Variants in PAPLN observed in about 807,000 individuals in gnomAD.
PAPLN encodes the protein papilin.
In PAPLN, 146 loss-of-function variants were observed where a neutral mutation model predicts 159.0. The observed-to-expected ratio is 0.92, with a 90% confidence interval of 0.80 to 1.05. The LOEUF is 1.05. Ranked by LOEUF, PAPLN falls within the 50% of genes least tolerant of loss-of-function variation. The pLI is 0.00. For synonymous variants in PAPLN, 734 were observed against 702.9 expected (o/e 1.04, Z -0.70); for missense variants, 1,720 against 1,743.9 (o/e 0.99, Z 0.24).
chr14:73,239,595 C>G, intron 1 of PAPLN, 178 bp from the exon 2 acceptor site: 1 of 1,270,818 alleles, frequency 7.9e-7, no homozygotes, highest in Non-Finnish European at 1.0e-6. Flanking sequence ...GTTGAGCCGC[C>G]CGGCGGGGCG....
At position 73,274,204 on chromosome 14, in the gene PAPLN, G is replaced by A. The variant is rs1197341779; in HGVS notation, c.*1540G>A. Reference sequence around the variant, plus strand: ...ATGCAGTAACAGGGAAATGGCTTCAGAAATGGTTTGAGTTGGAAGACAACA... The same window carrying A: ...ATGCAGTAACAGGGAAATGGCTTCAAAAATGGTTTGAGTTGGAAGACAACA... On this transcript the variant is annotated 3_prime_UTR_variant, in exon 27 of 27. Coordinates refer to ENST00000644200, the MANE Select transcript of PAPLN (RefSeq NM_001365906.3). 6.6e-6 allele frequency: 1 copy of A among 152,252 alleles called. No homozygotes were observed. The highest frequency in any genetic ancestry group is 1.9e-4 in the East Asian group (1 of 5,208). 9.4% of individuals were successfully genotyped at this position (152,252 alleles called of 1,614,324 possible).
At chr14:73,268,011 A>G (rs1887387839) in intron 25 of PAPLN, among the ~76,000 whole-genome samples, 2 of 151,976 alleles carry the variant, frequency 1.3e-5, no homozygotes, top group African/African-American at 4.8e-5. Flanking sequence ...GTCCTGGCCA[A>G]GGTCACTGCC....
In PAPLN at chr14:73,262,476, C is replaced by A; in HGVS notation, c.2372C>A (p.Ala791Asp). ...TGGTATGGCGGCTGCCATGGCAATG[C>A]CAATAACTTTGCCTCGGAGCAAGAG... ...RFWYGGCHGNANNFASEQECM... is the reference protein window; with the variant it reads ...RFWYGGCHGNDNNFASEQECM... The change falls in exon 19 of 27, where the codon GCC (alanine) becomes GAC (aspartate). Residue 791 changes from alanine to aspartate, a missense_variant. Transcript: ENST00000644200. 6.2e-7 allele frequency: 1 copy of A among 1,607,946 alleles called. No homozygotes were observed. The highest frequency in any genetic ancestry group is 8.5e-7 in the Non-Finnish European group (1 of 1,177,092).
At chr14:73,263,217 C>G (rs1375269997) in intron 19 of PAPLN, 1 of 325,586 alleles carries the variant, frequency 3.1e-6, no homozygotes, top group South Asian at 8.5e-5. Flanking sequence ...GTATACCTCA[C>G]AGGTGTGGGT....
chr14:73,244,059 G>T (rs1883912363), intron 2 of PAPLN: 1 of 154,778 alleles, frequency 6.5e-6, no homozygotes, highest in Admixed American at 6.3e-5. Flanking sequence ...CCCAACACTT[G>T]TATTTACATC....
chr14:73,264,586 A>G lies in PAPLN; in HGVS notation c.2987-2A>G, dbSNP rs369134761. The G allele has an allele frequency of 4.4e-6, 7 of 1,584,910 alleles. No individual in the cohort carries two copies. Among genetic ancestry groups the G allele is most frequent in the African/African-American group, 1.4e-5 (1 of 73,518 alleles). On this transcript the variant is annotated splice_acceptor_variant, in intron 21 of 26. Transcript: ENST00000644200. LOFTEE classifies it high-confidence loss of function. ...ACCTTGTTTCTCCTGGCCTCATGAC[A>G]GGGGGTGACATGGCCGTGCTGTCTG...
In PAPLN at chr14:73,254,910, C is replaced by T; in HGVS notation, c.1519C>T (p.Arg507Ter). ...SKSCSSGTRR[R>*]QVICAIGPPS... ...GAGCTGCAGCTCGGGCACTCGGAGG[C>T]GACAGGTCATCTGTGCCATTGGGCC... Residue 507 changes from arginine to a stop codon, truncating the protein, a stop_gained, in exon 14 of 27, where the codon CGA becomes TGA. Transcript: ENST00000644200. LOFTEE classifies it high-confidence loss of function. 6.2e-6 allele frequency: 10 copies of T among 1,613,010 alleles called. No individual in the cohort carries two copies. Among genetic ancestry groups the T allele is most frequent in the South Asian group, 2.2e-5 (2 of 91,070 alleles).
intron 1 of PAPLN, among the ~76,000 whole-genome samples, chr14:73,239,449 C>T (rs923849124): frequency 1.3e-5 from 2 of 152,204 alleles, no homozygotes; most frequent in Non-Finnish European, 2.9e-5. Flanking sequence ...TCTAATTACT[C>T]GGATTCTGAA....
rs544093359 is a variant in PAPLN at position 73,259,935 on chromosome 14, C to T, written c.1985+390C>T. 2.4e-3 allele frequency among the ~76,000 whole-genome samples: 370 copies of T among 152,282 alleles called. 1 individual carries two copies. Among genetic ancestry groups the T allele is most frequent in the African/African-American group, 8.2e-3 (339 of 41,562 alleles). On this transcript the variant is annotated intron_variant, in intron 16 of 26. Coordinates refer to ENST00000644200, the MANE Select transcript of PAPLN (RefSeq NM_001365906.3). ...TCTTCCTAACAGCCCCGGCCACTCCCGCCTTATGGAATGGGTCCGAGTCAT... is the reference window on the plus strand; with the variant it reads ...TCTTCCTAACAGCCCCGGCCACTCCTGCCTTATGGAATGGGTCCGAGTCAT...
chr14:73,264,690 G>A lies in PAPLN; in HGVS notation c.3089G>A (p.Gly1030Glu), dbSNP rs772175249. The change falls in exon 22 of 27, where the codon GGG (glycine) becomes GAG (glutamate). Residue 1030 changes from glycine to glutamate, a missense_variant. Physicochemically the swap from Gly to Glu is moderately conservative, Grantham distance 98. Coordinates refer to ENST00000644200, the MANE Select transcript of PAPLN (RefSeq NM_001365906.3). ...CAAGCGGGGGCTGCTGGGCCCCTGG[G>A]GGCCATCCCCTCTTCACACCCACAG... ...FGQAGAAGPL[G>E]AIPSSHPQPA... 4 of 1,612,398 alleles carry A rather than the reference G, an allele frequency of 2.5e-6. No individual in the cohort carries two copies. In the South Asian group the frequency reaches 3.3e-5, roughly 13 times the overall value.
chr14:73,251,396 T>C, intron 7 of PAPLN, 90 bp from the exon 8 acceptor site: 1 of 1,336,554 alleles, frequency 7.5e-7, no homozygotes, highest in Non-Finnish European at 1.0e-6. Context: ...CCTGCCCCCA[T>C]TCTGTGCTGT....
intron 17 of PAPLN, 83 bp from the exon 18 acceptor site, chr14:73,261,073 T>G: frequency 6.2e-7 from 1 of 1,607,078 alleles, no homozygotes; most frequent in Non-Finnish European, 8.5e-7. Context: ...CCCTCCTTCC[T>G]GCCATCCTCC....
Position 73,250,936 on chromosome 14 carries a change from G to T in PAPLN, c.495G>T (p.Ser165=). 1 of 1,613,650 alleles carries T rather than the reference G, an allele frequency of 6.2e-7. No individual in the cohort carries two copies. Among genetic ancestry groups the T allele is most frequent in the Non-Finnish European group, 8.5e-7 (1 of 1,179,916 alleles). The part of the protein sequence containing the change: ...RVVGCDHELD[S]SKQEDKCLRC... ...TCGGCTGTGATCACGAGCTGGACTC[G>T]TCCAAGCAGGAGGACAAGTGTCTGC... Residue 165 remains serine (S), a synonymous_variant, in exon 7 of 27, where the codon TCG becomes TCT. Transcript: ENST00000644200.
At chr14:73,249,963 T>C in intron 5 of PAPLN, 21 bp from the exon 6 acceptor site, 2 of 1,585,312 alleles carry the variant, frequency 1.3e-6, no homozygotes, top group Non-Finnish European at 1.7e-6. Flanking sequence ...GATCTCAGTC[T>C]TGCCTTCCTG....
chr14:73,245,734 C>G lies in PAPLN; in HGVS notation c.231+38C>G. ...GGGCGCGGGCGAAGGCACCAGCTTC[C>G]CCAGCCCCTCCTGGCCGATTTCCCC... On this transcript the variant is annotated intron_variant, in intron 4 of 26. Transcript: ENST00000644200. This position sits in a 1 kb window ranked among gnomAD's most constrained non-coding sequence, Gnocchi z 4.2. 1 of 1,535,004 alleles carries G rather than the reference C, an allele frequency of 6.5e-7. No homozygotes were observed. Among genetic ancestry groups the G allele is most frequent in the Non-Finnish European group, 8.7e-7 (1 of 1,145,094 alleles).
intron 8 of PAPLN, 38 bp from the exon 9 acceptor site, chr14:73,251,626 G>C: frequency 1.2e-6 from 2 of 1,613,490 alleles, no homozygotes; most frequent in Non-Finnish European, 1.7e-6. Context: ...GTGCGGCACT[G>C]CTCCCTCTGG....
intron 12 of PAPLN, 144 bp downstream of exon 12, chr14:73,254,105 G>A: frequency 1.1e-6 from 1 of 933,796 alleles, no homozygotes; most frequent in Non-Finnish European, 1.6e-6. Context: ...GGCCAAGGCT[G>A]GGACCAGAAG....
Position 73,274,384 on chromosome 14 carries a change from T to C in PAPLN, c.*1720T>C, listed in dbSNP as rs1291289888. 2 of 152,214 alleles carry C rather than the reference T, an allele frequency of 1.3e-5. No homozygotes were observed. Among genetic ancestry groups the C allele is most frequent in the African/African-American group, 4.8e-5 (2 of 41,456 alleles). The allele number at this position is 152,214 out of a possible 1,614,324, so 9.4% of individuals were successfully genotyped here. On this transcript the variant is annotated 3_prime_UTR_variant, in exon 27 of 27. Coordinates refer to ENST00000644200, the MANE Select transcript of PAPLN (RefSeq NM_001365906.3). The stretch of plus-strand genomic sequence containing the variant: ...TTCCTGGACACAGGAAAGACGGGCA[T>C]TACAGGGACCAAAGCTCTGAAAGGT...
At chr14:73,250,137 C>T in intron 6 of PAPLN, 23 bp downstream of exon 6, 4 of 1,589,730 alleles carry the variant, frequency 2.5e-6, no homozygotes, top group Non-Finnish European at 3.4e-6. Context: ...CCAGCCCCTC[C>T]CTGCCTCCGG....
Sources: gnomAD v4.1 joint callset for allele counts (sites outside exome capture counted in the v4.1 genomes callset) on GRCh38, gnomAD v4.1.1 for gene constraint, Gnocchi (gnomAD v3.1) non-coding constraint, MANE v1.5 for transcripts, NCBI Gene and HGNC (gene_info 2026-07-23, HGNC 2026-07-21) for gene names.